The following TMEM132C variants were observed in gnomAD, a reference collection of about 807,000 sequenced individuals.
The protein encoded by TMEM132C is transmembrane protein 132C.
TMEM132C carries 29 observed loss-of-function variants against 61.4 expected under a neutral mutation model. The ratio of observed to expected loss-of-function variants is 0.47; its 90% CI spans 0.35 to 0.64. The LOEUF is 0.64. Ranked by LOEUF, TMEM132C falls within the 30% of genes least tolerant of loss-of-function variation. The pLI, the probability that TMEM132C is intolerant of heterozygous loss-of-function variation, is 0.00. For synonymous variants in TMEM132C, 656 were observed against 633.1 expected, an observed-to-expected ratio of 1.04 and a Z score of -0.54; for missense variants, 1,408 against 1,476.9, an observed-to-expected ratio of 0.95 and a Z score of 0.76.
intron 3 of TMEM132C, among the ~76,000 whole-genome samples, chr12:128,589,413 C>G (rs1010822147): frequency 6.6e-6 from 1 of 152,114 alleles, no homozygotes; most frequent in East Asian, 1.9e-4. Flanking sequence ...GCCTGCCTCC[C>G]TCCCAACCCA....
At chr12:128,583,793 C>G (rs1593108804) in intron 3 of TMEM132C, among the ~76,000 whole-genome samples, 1 of 152,356 alleles carries the variant, frequency 6.6e-6, no homozygotes, top group East Asian at 1.9e-4. Flanking sequence ...GCTGAAGAAG[C>G]TGTGCATGAA....
intron 1 of TMEM132C, among the ~76,000 whole-genome samples, chr12:128,324,331 C>G (rs532384966): frequency 6.6e-6 from 1 of 152,284 alleles, no homozygotes; most frequent in East Asian, 1.9e-4. Flanking sequence ...TCTCCACCGG[C>G]CTAAAAGGAG....
chr12:128,638,717 G>T (rs533382620), intron 4 of TMEM132C, among the ~76,000 whole-genome samples: 2 of 152,284 alleles, frequency 1.3e-5, no homozygotes, highest in African/African-American at 4.8e-5. Flanking sequence ...TATAGTAAAA[G>T]GGTGGAGAAG....
intron 8 of TMEM132C, among the ~76,000 whole-genome samples, chr12:128,701,845 A>C (rs1954805592): frequency 6.6e-6 from 1 of 151,138 alleles, no homozygotes; most frequent in Non-Finnish European, 1.5e-5. Context: ...ATTTCTAGAA[A>C]TTCTACGTGG....
intron 4 of TMEM132C, among the ~76,000 whole-genome samples, chr12:128,619,955 G>A (rs1405538296): frequency 6.6e-6 from 1 of 152,130 alleles, no homozygotes; most frequent in Non-Finnish European, 1.5e-5. Context: ...ACAAGGCCAG[G>A]CGCGATGGCT....
chr12:128,503,079 A>G (rs770218801), intron 2 of TMEM132C, among the ~76,000 whole-genome samples: 2 of 152,234 alleles, frequency 1.3e-5, no homozygotes, highest in Admixed American at 6.5e-5. Flanking sequence ...GAGCGATGGC[A>G]TCTAGCCAAA....
intron 3 of TMEM132C, among the ~76,000 whole-genome samples, chr12:128,563,649 G>A (rs1320999065): frequency 6.6e-6 from 1 of 152,144 alleles, no homozygotes; most frequent in African/African-American, 2.4e-5. Flanking sequence ...TTTGGGCAGT[G>A]TACATTCCCG....
At chr12:128,669,699 C>A in intron 5 of TMEM132C, 139 bp downstream of exon 5, 1 of 1,095,038 alleles carries the variant, frequency 9.1e-7, no homozygotes, top group Non-Finnish European at 1.3e-6. Context: ...AGCTGATCCA[C>A]TCAACGTGTC....
In TMEM132C at chr12:128,604,531, AAGAT is replaced by A. The variant is rs149657261; in HGVS notation, c.1122-11607_1122-11604del. Among the ~76,000 whole-genome samples the A allele has an allele frequency of 4.6e-3, 688 of 149,428 alleles. 5 individuals are homozygous for A. Among genetic ancestry groups the A allele is most frequent in the East Asian group, 0.014 (70 of 5,038 alleles). ...GGCTAGATAGATAAATAATGGATGG[AAGAT>A]AGATAGATAGATAATAGATGGATAG... On this transcript the variant is annotated intron_variant, in intron 3 of 8. Coordinates refer to ENST00000435159, the MANE Select transcript of TMEM132C (RefSeq NM_001136103.3).
chr12:128,616,301 A>G lies in TMEM132C; in HGVS notation c.1271A>G (p.Gln424Arg). The change falls in exon 4 of 9, where the codon CAG (glutamine) becomes CGG (arginine). Residue 424 changes from glutamine to arginine, a missense_variant. By Grantham distance (43) the Gln-to-Arg change is conservative. Transcript: ENST00000435159. ...DIAVSEIFVSQKDLVGIVPLA... is the reference protein window; with the variant it reads ...DIAVSEIFVSRKDLVGIVPLA... The stretch of plus-strand genomic sequence containing the variant: ...GCCGTGTCCGAGATCTTTGTCAGCC[A>G]GAAGGACCTGGTGGGCATCGTTCCC... The G allele has an allele frequency of 6.4e-7, 1 of 1,552,006 alleles. No individual in the cohort carries two copies. Among genetic ancestry groups the G allele is most frequent in the Non-Finnish European group, 8.7e-7 (1 of 1,147,040 alleles).
intron 2 of TMEM132C, among the ~76,000 whole-genome samples, chr12:128,496,608 C>T (rs1808917417): frequency 6.6e-6 from 1 of 152,190 alleles, no homozygotes; most frequent in Non-Finnish European, 1.5e-5. Flanking sequence ...GATACCCTTT[C>T]TTCCAGTTGA....
At chr12:128,274,624 C>T (rs1400315275) in intron 1 of TMEM132C, among the ~76,000 whole-genome samples, 1 of 152,194 alleles carries the variant, frequency 6.6e-6, no homozygotes, top group Non-Finnish European at 1.5e-5. Flanking sequence ...GTTCCTGTAG[C>T]TATAATTGTC....
At chr12:128,694,665 C>T (rs536525563) in intron 6 of TMEM132C, among the ~76,000 whole-genome samples, 4 of 152,296 alleles carry the variant, frequency 2.6e-5, no homozygotes, top group Non-Finnish European at 4.4e-5. Context: ...TGACAGTCCC[C>T]CAGGCACCAG....
chr12:128,579,447 A>G (rs1469417439), intron 3 of TMEM132C, among the ~76,000 whole-genome samples: 1 of 152,214 alleles, frequency 6.6e-6, no homozygotes, highest in East Asian at 1.9e-4. Flanking sequence ...TGCCTCTTGC[A>G]TTACCCACCC....
chr12:128,543,646 A>G (rs1873842635), intron 2 of TMEM132C, among the ~76,000 whole-genome samples: 1 of 152,038 alleles, frequency 6.6e-6, no homozygotes, highest in African/African-American at 2.4e-5. Flanking sequence ...GAGTGAGGAG[A>G]CGGACCCAGG....
intron 4 of TMEM132C, among the ~76,000 whole-genome samples, chr12:128,641,012 A>G (rs914508602): frequency 6.6e-6 from 1 of 152,176 alleles, no homozygotes; most frequent in Non-Finnish European, 1.5e-5. Context: ...ACACTTGCTG[A>G]TGAGAAAAGG....
At chr12:128,359,253 T>C (rs1873617635) in intron 1 of TMEM132C, among the ~76,000 whole-genome samples, 1 of 152,136 alleles carries the variant, frequency 6.6e-6, no homozygotes. Flanking sequence ...GCCTCACAGT[T>C]CCTCATGGCT....
rs548562135 is a variant in TMEM132C at position 128,497,683 on chromosome 12, C to T, written c.975-46274C>T. 1.6e-4 allele frequency among the ~76,000 whole-genome samples: 25 copies of T among 152,258 alleles called. No individual in the cohort carries two copies. In the East Asian group the frequency reaches 2.5e-3, roughly 15 times the overall value. On this transcript the variant is annotated intron_variant, in intron 2 of 8. Coordinates refer to ENST00000435159, the MANE Select transcript of TMEM132C (RefSeq NM_001136103.3). ...CCGTTTGCTAAGACCATTGGAAAAG[C>T]GCAGTATTAGGGTGAGAGTGACCCG... is the stretch of plus-strand genomic sequence containing the variant.
intron 2 of TMEM132C, among the ~76,000 whole-genome samples, chr12:128,424,902 CTCTT>C (rs1869125489): frequency 6.6e-6 from 1 of 152,208 alleles, no homozygotes; most frequent in Non-Finnish European, 1.5e-5. Context: ...GACCAGACCA[CTCTT>C]TCTAATTTAT....
Sources: allele counts gnomAD v4.1 joint callset (sites outside exome capture counted in the v4.1 genomes callset), GRCh38; gene constraint gnomAD v4.1.1; transcripts MANE v1.5; gene names NCBI Gene and HGNC (gene_info 2026-07-23, HGNC 2026-07-21).